Variants in FILIP1L observed in about 807,000 individuals in gnomAD.
FILIP1L encodes the protein filamin A interacting protein 1 like.
FILIP1L carries 55 observed loss-of-function variants against 96.6 expected under a neutral mutation model. The ratio of observed to expected loss-of-function variants is 0.57; its 90% confidence interval spans 0.46 to 0.71. The LOEUF is 0.71. Ranked by LOEUF, FILIP1L falls within the 30% of genes least tolerant of loss-of-function variation. The pLI is 0.00. For synonymous variants in FILIP1L, 467 were observed against 473.9 expected, an observed-to-expected ratio of 0.99 and a Z score of 0.19; for missense variants, 1,304 against 1,321.2, an observed-to-expected ratio of 0.99 and a Z score of 0.20.
chr3:100,107,491 C>T (rs2066414977), intron 1 of FILIP1L, among the ~76,000 whole-genome samples: 1 of 152,124 alleles, frequency 6.6e-6, no homozygotes, highest in Admixed American at 6.6e-5. Flanking sequence ...TCCTTCCGCA[C>T]ATTTGGCAGG....
intron 4 of FILIP1L, among the ~76,000 whole-genome samples, chr3:99,881,585 T>C (rs1705730593): frequency 6.6e-6 from 1 of 151,764 alleles, no homozygotes; most frequent in Non-Finnish European, 1.5e-5. Flanking sequence ...CAGATTGGAG[T>C]GCAGTAGTGC....
At chr3:100,049,311 A>G (rs2065330999) in intron 1 of FILIP1L, among the ~76,000 whole-genome samples, 3 of 152,166 alleles carry the variant, frequency 2.0e-5, no homozygotes, top group Admixed American at 6.5e-5. Context: ...AGGTTAGACT[A>G]TTGCTCTTCT....
chr3:99,957,667 C>G (rs368583035), intron 1 of FILIP1L, among the ~76,000 whole-genome samples: 1 of 72,098 alleles, frequency 1.4e-5, no homozygotes, highest in East Asian at 4.0e-4. Context: ...TTACTTGGCA[C>G]TTCTCCTTTT....
chr3:99,988,444 G>A (rs541896137), intron 1 of FILIP1L, among the ~76,000 whole-genome samples: 49 of 147,602 alleles, frequency 3.3e-4, no homozygotes, highest in East Asian at 5.9e-4. Flanking sequence ...TGTGGGAGGC[G>A]GAGGTTGCAG....
At chr3:100,017,399 A>G (rs1710375702) in intron 1 of FILIP1L, among the ~76,000 whole-genome samples, 1 of 152,198 alleles carries the variant, frequency 6.6e-6, no homozygotes, top group Non-Finnish European at 1.5e-5. Flanking sequence ...CTCTCCCATT[A>G]TTAGTAACTT....
At chr3:99,874,488 T>C (rs1705403736) in intron 4 of FILIP1L, 1 of 152,254 alleles carries the variant, frequency 6.6e-6, no homozygotes, top group African/African-American at 2.4e-5. Context: ...TGGGCTTCCC[T>C]AGGTTTGAAA....
At chr3:99,839,609 C>G (rs1383333836) in intron 5 of FILIP1L, among the ~76,000 whole-genome samples, 1 of 152,112 alleles carries the variant, frequency 6.6e-6, no homozygotes, top group Non-Finnish European at 1.5e-5. Flanking sequence ...CTTATTTCTC[C>G]CAAGGGCACA....
At chr3:99,948,466 T>A (rs903739491) in intron 1 of FILIP1L, among the ~76,000 whole-genome samples, 1 of 147,540 alleles carries the variant, frequency 6.8e-6, no homozygotes, top group Non-Finnish European at 1.5e-5. Context: ...ATCACCTAAG[T>A]CCAAGAATTG....
chr3:99,867,720 G>A (rs1400425557), intron 4 of FILIP1L, among the ~76,000 whole-genome samples: 2 of 152,078 alleles, frequency 1.3e-5, no homozygotes, highest in Non-Finnish European at 2.9e-5. Context: ...ACAATCTTTA[G>A]AGTCCTTTCC....
rs551943817 is a variant in FILIP1L, at chr3:99,961,489, A to G, written c.-10-30459T>C. 1.8e-4 allele frequency among the ~76,000 whole-genome samples: 27 copies of G among 152,270 alleles called. No individual in the cohort carries two copies. The South Asian group carries it at 3.7e-3, about 21-fold the overall frequency. On this transcript the variant is annotated intron_variant, in intron 1 of 5. Coordinates refer to ENST00000477258, the MANE Select transcript of FILIP1L (RefSeq NM_001387850.1). Reference sequence around the variant, plus strand: ...CAGAATCTTAACTTTGCAAGGAGACAGGCATTATGTAGTTCATTTTGCCAG... The same window carrying G: ...CAGAATCTTAACTTTGCAAGGAGACGGGCATTATGTAGTTCATTTTGCCAG...
At chr3:100,089,103 C>G (rs2066061128) in intron 1 of FILIP1L, among the ~76,000 whole-genome samples, 1 of 152,138 alleles carries the variant, frequency 6.6e-6, no homozygotes, top group Admixed American at 6.5e-5. Context: ...ATTTCCCTAC[C>G]AGTAAAGTAT....
At chr3:100,058,447 A>G (rs1191056713) in intron 1 of FILIP1L, among the ~76,000 whole-genome samples, 3 of 152,346 alleles carry the variant, frequency 2.0e-5, no homozygotes, top group Non-Finnish European at 4.4e-5. Flanking sequence ...TAAGTGAGGC[A>G]CAAGTCTGTT....
At chr3:99,901,936 A>G (rs1706451586) in intron 4 of FILIP1L, among the ~76,000 whole-genome samples, 1 of 152,156 alleles carries the variant, frequency 6.6e-6, no homozygotes, top group African/African-American at 2.4e-5. Context: ...GGTACACAAA[A>G]TATGTGTTGC....
At chr3:99,917,575 G>C (rs1319415057) in intron 4 of FILIP1L, among the ~76,000 whole-genome samples, 4 of 152,110 alleles carry the variant, frequency 2.6e-5, no homozygotes, top group Admixed American at 1.3e-4. Flanking sequence ...GGTCTAGATT[G>C]CTAGGTCTTT....
Position 99,929,955 on chromosome 3 carries a change from A to G in FILIP1L, c.327T>C (p.Phe109=). Residue 109 remains phenylalanine, a synonymous_variant, in exon 3 of 6, where the codon TTT becomes TTC. Coordinates refer to ENST00000477258, the MANE Select transcript of FILIP1L (RefSeq NM_001387850.1). ...CCTCTAACACCTTTTTTGGAGTGAC[A>G]AACCCATACTGAGCTTCCAGCAAAG... ...DLALLEAQYG[F]VTPKKVLEAL... 6.2e-7 allele frequency: 1 copy of G among 1,614,140 alleles called. No homozygotes were observed. Among genetic ancestry groups the G allele is most frequent in the East Asian group, 2.2e-5 (1 of 44,878 alleles).
chr3:99,941,253 G>A (rs2107676535), intron 1 of FILIP1L, among the ~76,000 whole-genome samples: 1 of 152,154 alleles, frequency 6.6e-6, no homozygotes, highest in Middle Eastern at 3.4e-3. Context: ...AAAAACTGAA[G>A]TGTTATAAAG....
At chr3:100,026,592 C>T (rs1224343966) in intron 1 of FILIP1L, among the ~76,000 whole-genome samples, 1 of 152,146 alleles carries the variant, frequency 6.6e-6, no homozygotes, top group East Asian at 1.9e-4. Flanking sequence ...TTTTCTTCTA[C>T]TTGTTCAAAG....
intron 1 of FILIP1L, among the ~76,000 whole-genome samples, chr3:100,073,795 G>A (rs1166406094): frequency 6.6e-6 from 1 of 152,138 alleles, no homozygotes; most frequent in Non-Finnish European, 1.5e-5. Context: ...TGTGGGTCTT[G>A]TCTCCAGGAG....
chr3:99,983,389 AATATAT>A lies in FILIP1L; in HGVS notation c.-10-52365_-10-52360del, dbSNP rs397990626. The stretch of plus-strand genomic sequence containing the variant: ...TCTCTACTTAAAAAATAAATAAATA[AATATAT>A]ATATATATATATATATATATATATG... On this transcript the variant is annotated intron_variant, in intron 1 of 5. Coordinates refer to ENST00000477258, the MANE Select transcript of FILIP1L (RefSeq NM_001387850.1). 6.1e-3 allele frequency among the ~76,000 whole-genome samples: 247 copies of A among 40,794 alleles called. 16 individuals carry two copies. The highest frequency in any genetic ancestry group is 0.018 in the East Asian group (22 of 1,220). The allele number at this position is 40,794 out of a possible 152,430, so 26.8% of individuals were successfully genotyped here. A position where few individuals can be genotyped will look rare whatever the true frequency, so the allele number is the denominator to read the frequency against.
Sources: gnomAD v4.1 joint callset for allele counts (sites outside exome capture counted in the v4.1 genomes callset) on GRCh38, gnomAD v4.1.1 for gene constraint, MANE v1.5 for transcripts, NCBI Gene and HGNC (gene_info 2026-07-23, HGNC 2026-07-21) for gene names.